Variants in MYRIP observed in about 807,000 individuals in gnomAD.
MYRIP encodes myosin VIIA and Rab interacting protein.
In MYRIP, 49 loss-of-function variants were observed where a neutral mutation model predicts 98.0. That is an observed-to-expected ratio of 0.50 (90% CI 0.40 to 0.63). The LOEUF (loss-of-function observed/expected upper bound fraction) is 0.63, where lower values mean the gene tolerates loss of function less well. Ranked by LOEUF, MYRIP falls within the 30% of genes least tolerant of loss-of-function variation. The probability of loss-of-function intolerance (pLI) is 0.00; values close to 1 mark genes in which losing one functional copy is unlikely to be tolerated. For missense variants in MYRIP, 1,004 were observed against 1,058.2 expected (o/e 0.95, Z 0.71); for synonymous variants, 404 against 409.5 (o/e 0.99, Z 0.16).
At chr3:40,252,555 G>T (rs1352999487) in intron 16 of MYRIP, among the ~76,000 whole-genome samples, 2 of 152,178 alleles carry the variant, frequency 1.3e-5, no homozygotes, top group Admixed American at 1.3e-4. Flanking sequence ...GCACTAAAAA[G>T]CAAAGACAAG....
chr3:40,183,908 C>T lies in MYRIP; in HGVS notation c.1027+1535C>T, dbSNP rs144956151. On this transcript the variant is annotated intron_variant, in intron 9 of 16. Transcript: ENST00000302541. ...ACTATAGAAACAAAATCCATTGTTA[C>T]GACAGTGCAAAGAATCAGAAAACAT... Among the ~76,000 whole-genome samples the T allele has an allele frequency of 3.5e-4, 54 of 152,266 alleles. No individual in the cohort carries two copies. The East Asian group carries it at 7.5e-3, about 21-fold the overall frequency.
At chr3:40,096,584 T>C (rs1454433099) in intron 3 of MYRIP, among the ~76,000 whole-genome samples, 1 of 152,210 alleles carries the variant, frequency 6.6e-6, no homozygotes, top group Non-Finnish European at 1.5e-5. Flanking sequence ...CAGCTCTGGA[T>C]ACAGGAATGG....
intron 1 of MYRIP, among the ~76,000 whole-genome samples, chr3:39,827,442 A>G (rs1202476713): frequency 6.6e-6 from 1 of 152,130 alleles, no homozygotes; most frequent in Non-Finnish European, 1.5e-5. Context: ...CATTCAGCCA[A>G]TCTGTATCTT....
chr3:39,889,515 T>C (rs1943420395), intron 1 of MYRIP, among the ~76,000 whole-genome samples: 1 of 151,900 alleles, frequency 6.6e-6, no homozygotes, highest in Non-Finnish European at 1.5e-5. Flanking sequence ...AACATCACAC[T>C]CTGGGGACCG....
intron 2 of MYRIP, among the ~76,000 whole-genome samples, chr3:39,932,543 G>A: frequency 6.6e-6 from 1 of 151,854 alleles, no homozygotes; most frequent in Non-Finnish European, 1.5e-5. Context: ...TCGGTTTTTT[G>A]GGGGTTTTTT....
At chr3:40,159,318 T>C (rs2125585861) in intron 4 of MYRIP, among the ~76,000 whole-genome samples, 1 of 152,312 alleles carries the variant, frequency 6.6e-6, no homozygotes, top group East Asian at 1.9e-4. Flanking sequence ...TGTTGAATAT[T>C]GGCCCCCACT....
At chr3:40,043,175 AAGT>A (rs1341368925) in intron 2 of MYRIP, among the ~76,000 whole-genome samples, 3 of 152,188 alleles carry the variant, frequency 2.0e-5, no homozygotes, top group South Asian at 4.1e-4. Flanking sequence ...AAAATAGTAA[AAGT>A]AGTAGTCTAG....
At chr3:40,077,966 C>T (rs1437687089) in intron 3 of MYRIP, among the ~76,000 whole-genome samples, 5 of 152,228 alleles carry the variant, frequency 3.3e-5, no homozygotes, top group African/African-American at 4.8e-5. Flanking sequence ...GACTGGGCGC[C>T]GTGGAGCAGG....
chr3:39,996,440 C>T (rs1265473721), intron 2 of MYRIP, among the ~76,000 whole-genome samples: 6 of 152,170 alleles, frequency 3.9e-5, no homozygotes, highest in Admixed American at 3.9e-4. Flanking sequence ...CAAAGAAGGC[C>T]ATTACAAAAT....
chr3:40,036,339 A>T (rs1947385894), intron 2 of MYRIP, among the ~76,000 whole-genome samples: 1 of 147,940 alleles, frequency 6.8e-6, no homozygotes, highest in Non-Finnish European at 1.5e-5. Context: ...ATTCAAAATG[A>T]GCTGTCAACT....
chr3:39,841,941 C>G (rs1190289657), intron 1 of MYRIP, among the ~76,000 whole-genome samples: 2 of 152,188 alleles, frequency 1.3e-5, no homozygotes, highest in Admixed American at 6.5e-5. Flanking sequence ...GAGTCAGGGA[C>G]CCACTTGAGG....
intron 1 of MYRIP, among the ~76,000 whole-genome samples, chr3:39,852,971 G>A (rs922424194): frequency 1.8e-4 from 28 of 152,196 alleles, no homozygotes; most frequent in African/African-American, 5.5e-4. Flanking sequence ...TGATAGAGAC[G>A]GGGTTTCATC....
At chr3:39,857,210 C>T (rs1403940090) in intron 1 of MYRIP, among the ~76,000 whole-genome samples, 1 of 139,614 alleles carries the variant, frequency 7.2e-6, no homozygotes, top group Non-Finnish European at 1.5e-5. Flanking sequence ...GAGGCCCTGT[C>T]TCAGAAACAA....
At chr3:40,236,477 G>A (rs1952827582) in intron 12 of MYRIP, among the ~76,000 whole-genome samples, 1 of 152,196 alleles carries the variant, frequency 6.6e-6, no homozygotes, top group Non-Finnish European at 1.5e-5. Context: ...AGCTCTTACT[G>A]TCCCTTGAGG....
intron 1 of MYRIP, among the ~76,000 whole-genome samples, chr3:39,855,492 G>T (rs973171822): frequency 1.3e-5 from 2 of 152,124 alleles, no homozygotes; most frequent in Non-Finnish European, 2.9e-5. Flanking sequence ...GACTCTCCTT[G>T]GACGGGGCTT....
chr3:40,090,178 C>T (rs1425303467), intron 3 of MYRIP, among the ~76,000 whole-genome samples: 1 of 151,918 alleles, frequency 6.6e-6, no homozygotes, highest in African/African-American at 2.4e-5. Flanking sequence ...GTACAAAATC[C>T]CTGATCTTTC....
At chr3:40,116,407 G>C (rs1412824235) in intron 3 of MYRIP, among the ~76,000 whole-genome samples, 1 of 111,854 alleles carries the variant, frequency 8.9e-6, no homozygotes, top group Admixed American at 1.0e-4. Flanking sequence ...GAAACTTCTA[G>C]ATGGAAAACA....
intron 1 of MYRIP, among the ~76,000 whole-genome samples, chr3:39,878,848 A>T (rs1943084390): frequency 6.6e-6 from 1 of 151,234 alleles, no homozygotes; most frequent in South Asian, 2.1e-4. Flanking sequence ...TGAGGTGAAG[A>T]GATAGAGACC....
chr3:40,136,113 A>G (rs150460176), intron 3 of MYRIP, among the ~76,000 whole-genome samples: 32,519 of 152,198 alleles, frequency 0.21, 4,139 homozygotes, highest in South Asian at 0.36. Context: ...GTCAAGACCC[A>G]TCAGTGTGCT....
Sources: gnomAD v4.1 joint callset for allele counts (sites outside exome capture counted in the v4.1 genomes callset) on GRCh38, gnomAD v4.1.1 for gene constraint, MANE v1.5 for transcripts, NCBI Gene and HGNC (gene_info 2026-07-23, HGNC 2026-07-21) for gene names.